The following TMX1 variants were observed in gnomAD, a reference collection of about 807,000 sequenced individuals.
The protein encoded by TMX1 is thioredoxin-related transmembrane protein 1.
A neutral mutation model predicts 36.6 loss-of-function variants in TMX1; 25 were observed. The observed-to-expected ratio is 0.68, with a 90% CI of 0.50 to 0.95. TMX1 has a LOEUF of 0.95. TMX1 is among the 40% of genes least tolerant of loss of function. TMX1 has a pLI of 0.00. For missense variants in TMX1, 347 were observed against 339.6 expected (o/e 1.02, Z -0.17); for synonymous variants, 133 against 118.0 (o/e 1.13, Z -0.82).
chr14:51,241,473 C>T (rs2065761018), intron 1 of TMX1, among the ~76,000 whole-genome samples: 1 of 152,260 alleles, frequency 6.6e-6, no homozygotes, highest in East Asian at 1.9e-4. Flanking sequence ...TAACAAGATA[C>T]CTAAATACTT....
chr14:51,246,397 C>A (rs2065785932), intron 3 of TMX1, among the ~76,000 whole-genome samples: 1 of 152,166 alleles, frequency 6.6e-6, no homozygotes, highest in Non-Finnish European at 1.5e-5. Context: ...GGGGGGCTTC[C>A]TCGTGGTTTT....
rs776208596 is a variant in TMX1, at chr14:51,249,759, C to T, written c.658C>T (p.Pro220Ser). Reference sequence around the variant, plus strand: ...GCGCAGACCACAGCCGTACCCATACCCTTCAAGTAAGTATATTTTAAAATG... The same window carrying T: ...GCGCAGACCACAGCCGTACCCATACTCTTCAAGTAAGTATATTTTAAAATG... ...KRRRPQPYPYPSKKLLSESAQ... is the reference protein window; with the variant it reads ...KRRRPQPYPYSSKKLLSESAQ... Residue 220 changes from proline to serine, a missense_variant, in exon 7 of 8, where the codon CCT becomes TCT. Pro to Ser is a moderately conservative substitution (Grantham distance 74, BLOSUM62 -1). Coordinates refer to ENST00000457354, the MANE Select transcript of TMX1 (RefSeq NM_030755.5). 4 of 1,602,606 alleles carry T rather than the reference C, an allele frequency of 2.5e-6. No individual in the cohort carries two copies. The highest frequency in any genetic ancestry group is 1.7e-5 in the Admixed American group (1 of 58,012).
At chr14:51,250,144 A>G (rs548942369) in intron 7 of TMX1, among the ~76,000 whole-genome samples, 26 of 152,302 alleles carry the variant, frequency 1.7e-4, no homozygotes, top group African/African-American at 5.8e-4. Context: ...GCCAACTGTA[A>G]GTTTTTTCTG....
rs549218262 is a variant in TMX1 at position 51,256,688 on chromosome 14, A to T, written c.*2169A>T. On this transcript the variant is annotated 3_prime_UTR_variant, in exon 8 of 8. Transcript: ENST00000457354. ...ATCAGAAAGACTGAAAAAAGTTTTA[A>T]TGAAGAATTCTGGCTACATCTAACA... 1 of 152,308 alleles carries T rather than the reference A, an allele frequency of 6.6e-6. No individual in the cohort carries two copies. The highest frequency in any genetic ancestry group is 2.4e-5 in the African/African-American group (1 of 41,568). 9.4% of individuals were successfully genotyped at this position (152,308 alleles called of 1,614,324 possible). A position where few individuals can be genotyped will look rare whatever the true frequency, so the allele number is the denominator to read the frequency against.
intron 3 of TMX1, 115 bp downstream of exon 3, chr14:51,245,473 G>C (rs2065781521): frequency 1.3e-6 from 2 of 1,549,968 alleles, no homozygotes; most frequent in Non-Finnish European, 8.7e-7. Flanking sequence ...ATTATATTCA[G>C]CAGGTATTTT....
chr14:51,243,984 T>G lies in TMX1; in HGVS notation c.268+13T>G, dbSNP rs1244320844. On this transcript the variant is annotated intron_variant, in intron 2 of 7. Coordinates refer to ENST00000457354, the MANE Select transcript of TMX1 (RefSeq NM_030755.5). Reference sequence around the variant, plus strand: ...ACAGAGCAGCCAGGTACTGTAAGTCTTTGGTTAGTTTTGTTTCTTTGCTGT... The same window carrying G: ...ACAGAGCAGCCAGGTACTGTAAGTCGTTGGTTAGTTTTGTTTCTTTGCTGT... 6.3e-7 allele frequency: 1 copy of G among 1,585,004 alleles called. No individual in the cohort carries two copies. The highest frequency in any genetic ancestry group is 2.3e-5 in the East Asian group (1 of 44,262).
At chr14:51,241,815 T>C (rs2065762820) in intron 1 of TMX1, among the ~76,000 whole-genome samples, 1 of 152,154 alleles carries the variant, frequency 6.6e-6, no homozygotes, top group Non-Finnish European at 1.5e-5. Context: ...GCTAAATCAG[T>C]AAGTCCTGTG....
At chr14:51,240,523 A>G in intron 1 of TMX1, 79 bp downstream of exon 1, 1 of 1,536,670 alleles carries the variant, frequency 6.5e-7, no homozygotes, top group East Asian at 2.3e-5. Flanking sequence ...TGCGGGTCGC[A>G]GGCTCCCCAG....
rs763914752 is a variant in TMX1 at position 51,245,368 on chromosome 14, T to C, written c.314+10T>C. 1.2e-6 allele frequency: 2 copies of C among 1,613,776 alleles called. No homozygotes were observed. The highest frequency in any genetic ancestry group is 1.7e-6 in the Non-Finnish European group (2 of 1,179,824). On this transcript the variant is annotated intron_variant, in intron 3 of 7. Coordinates refer to ENST00000457354, the MANE Select transcript of TMX1 (RefSeq NM_030755.5). ...TTCCTACTATTTATCAGTAAGTATT[T>C]GAAGATTCTAAATTATGGAGAAGGA...
rs150144375 is a variant in TMX1 at position 51,243,445 on chromosome 14, T to G, written c.153-411T>G. On this transcript the variant is annotated intron_variant, in intron 1 of 7. Coordinates refer to ENST00000457354, the MANE Select transcript of TMX1 (RefSeq NM_030755.5). ...TTAAGATGGAATATGTGCTTTCTTA[T>G]TCACCACAGCCCAGGACACTTCTGT... is the stretch of plus-strand genomic sequence containing the variant. Among the ~76,000 whole-genome samples, 4 of 152,370 alleles carry G rather than the reference T, an allele frequency of 2.6e-5. No homozygotes were observed. In the East Asian group the frequency reaches 7.7e-4, roughly 29 times the overall value.
At chr14:51,254,149 TCAAA>T (rs1170136127) in intron 7 of TMX1, 188 bp from the exon 8 acceptor site, 5 of 434,586 alleles carry the variant, frequency 1.2e-5, no homozygotes, top group Middle Eastern at 6.1e-4. Flanking sequence ...CTAAAATGGC[TCAAA>T]CAATTTTTAT....
chr14:51,249,332 T>TA lies in TMX1; in HGVS notation c.451dup (p.Ser151LysfsTer17), dbSNP rs751281320. The TA allele has an allele frequency of 2.5e-6, 4 of 1,604,032 alleles. No homozygotes were observed. Among genetic ancestry groups the TA allele is most frequent in the Non-Finnish European group, 3.4e-6 (4 of 1,176,814 alleles). ...TCATCTCTTTTATTTTTAGGATGAGTAGTATGTCAGCACTCTTTCAGCTAT... is the reference window on the plus strand; with the variant it reads ...TCATCTCTTTTATTTTTAGGATGAGTAAGTATGTCAGCACTCTTTCAGCTAT... On this transcript the variant is annotated frameshift_variant, in exon 5 of 8. Coordinates refer to ENST00000457354, the MANE Select transcript of TMX1 (RefSeq NM_030755.5). LOFTEE classifies it high-confidence loss of function.
rs1438801736 is a variant in TMX1 at position 51,255,627 on chromosome 14, A to G, written c.*1108A>G. ...GTAATGCTTGATGTTTTAAAATAAT[A>G]ACATTTTTATATTTTTTAAAAGACA... On this transcript the variant is annotated 3_prime_UTR_variant, in exon 8 of 8. Transcript: ENST00000457354. 1 of 152,088 alleles carries G rather than the reference A, an allele frequency of 6.6e-6. No homozygotes were observed. The highest frequency in any genetic ancestry group is 1.5e-5 in the Non-Finnish European group (1 of 67,936). 9.4% of individuals were successfully genotyped at this position (152,088 alleles called of 1,614,324 possible).
In TMX1 at chr14:51,254,973, G is replaced by T. The variant is rs1456398721; in HGVS notation, c.*454G>T. 1 of 152,472 alleles carries T rather than the reference G, an allele frequency of 6.6e-6. No individual in the cohort carries two copies. The highest frequency in any genetic ancestry group is 6.6e-5 in the Admixed American group (1 of 15,266). 9.4% of individuals were successfully genotyped at this position (152,472 alleles called of 1,614,324 possible). On this transcript the variant is annotated 3_prime_UTR_variant, in exon 8 of 8. Transcript: ENST00000457354. ...GTTTGCCCATTGTCTCAAGAAATGTGTATTTCAGTGACAATTTCGTGGTCT... is the reference window on the plus strand; with the variant it reads ...GTTTGCCCATTGTCTCAAGAAATGTTTATTTCAGTGACAATTTCGTGGTCT...
intron 7 of TMX1, among the ~76,000 whole-genome samples, chr14:51,250,584 C>T (rs1018617293): frequency 9.2e-5 from 14 of 152,262 alleles, no homozygotes; most frequent in Admixed American, 5.9e-4. Flanking sequence ...CTCTGCCTTC[C>T]GGGTTCATGC....
intron 3 of TMX1, chr14:51,245,693 C>T (rs1596405162): frequency 5.4e-6 from 2 of 369,218 alleles, no homozygotes; most frequent in East Asian, 6.4e-5. Flanking sequence ...TCACAGTTAC[C>T]TGGATTGGTT....
chr14:51,249,260 A>T, intron 4 of TMX1, 66 bp from the exon 5 acceptor site: 1 of 1,347,498 alleles, frequency 7.4e-7, no homozygotes, highest in Non-Finnish European at 1.0e-6. Flanking sequence ...TATAGAGTAG[A>T]AAATAGTATG....
At chr14:51,249,276 A>G in intron 4 of TMX1, 50 bp from the exon 5 acceptor site, 1 of 1,477,548 alleles carries the variant, frequency 6.8e-7, no homozygotes, top group Non-Finnish European at 9.2e-7. Flanking sequence ...GTATGTATAG[A>G]CAAATCTGTG....
intron 7 of TMX1, among the ~76,000 whole-genome samples, chr14:51,252,787 G>C (rs1440310393): frequency 1.3e-5 from 2 of 152,146 alleles, no homozygotes; most frequent in Admixed American, 1.3e-4. Flanking sequence ...GGAATTTATT[G>C]GTTTATGTAG....
Sources: gnomAD v4.1 joint callset for allele counts (sites outside exome capture counted in the v4.1 genomes callset) on GRCh38, gnomAD v4.1.1 for gene constraint, MANE v1.5 for transcripts, NCBI Gene and HGNC (gene_info 2026-07-23, HGNC 2026-07-21) for gene names.